Variants in GRM8 observed in about 807,000 individuals in gnomAD.
GRM8 encodes glutamate metabotropic receptor 8.
A neutral mutation model predicts 87.2 loss-of-function variants in GRM8; 47 were observed. The observed-to-expected ratio is 0.54, with a 90% CI of 0.43 to 0.69. GRM8 has a LOEUF of 0.69. Ranked by LOEUF, GRM8 falls within the 30% of genes least tolerant of loss-of-function variation. GRM8 has a pLI of 0.00. For synonymous variants in GRM8, 396 were observed against 404.5 expected (o/e 0.98, Z 0.25); for missense variants, 1,019 against 1,139.2 (o/e 0.89, Z 1.52).
At chr7:126,720,327 G>T (rs1812251748) in intron 7 of GRM8, among the ~76,000 whole-genome samples, 1 of 151,230 alleles carries the variant, frequency 6.6e-6, no homozygotes, top group Admixed American at 6.6e-5. Flanking sequence ...ATTTTTTTTT[G>T]TAGAGACAGG....
intron 9 of GRM8, among the ~76,000 whole-genome samples, chr7:126,449,171 A>AT (rs1563017769): frequency 1.3e-5 from 2 of 151,790 alleles, no homozygotes; most frequent in Non-Finnish European, 2.9e-5. Flanking sequence ...ACTTAAATAC[A>AT]TTTTTTTAAA....
chr7:127,131,311 A>G (rs1192653396), intron 2 of GRM8, among the ~76,000 whole-genome samples: 2 of 152,238 alleles, frequency 1.3e-5, no homozygotes, highest in African/African-American at 4.8e-5. Flanking sequence ...TGGAAGCAGC[A>G]TTGAAAACTT....
intron 9 of GRM8, among the ~76,000 whole-genome samples, chr7:126,523,905 T>C (rs1250819681): frequency 1.3e-5 from 2 of 152,224 alleles, no homozygotes; most frequent in Admixed American, 6.5e-5. Context: ...AATATTTACA[T>C]TACTTACATT....
chr7:127,239,546 CT>C (rs1460487415), intron 2 of GRM8, among the ~76,000 whole-genome samples: 1 of 152,192 alleles, frequency 6.6e-6, no homozygotes, highest in East Asian at 1.9e-4. Flanking sequence ...AAGTCATAAC[CT>C]TTGGAAAATT....
At chr7:126,496,874 C>T (rs139903263) in intron 9 of GRM8, among the ~76,000 whole-genome samples, 3 of 151,800 alleles carry the variant, frequency 2.0e-5, no homozygotes, top group South Asian at 2.1e-4. Flanking sequence ...ATCTCCCCCC[C>T]ACAGGTGAAA....
chr7:126,561,896 C>A (rs1038208279), intron 8 of GRM8, among the ~76,000 whole-genome samples: 6 of 148,472 alleles, frequency 4.0e-5, no homozygotes, highest in Admixed American at 6.8e-5. Context: ...TTTGTCCTTG[C>A]GATAGTTCGC....
chr7:126,997,588 A>G (rs1813314180), intron 3 of GRM8, among the ~76,000 whole-genome samples: 3 of 151,414 alleles, frequency 2.0e-5, no homozygotes, highest in South Asian at 4.1e-4. Context: ...AAAATCAGAG[A>G]GAAAAAAGAA....
intron 8 of GRM8, among the ~76,000 whole-genome samples, chr7:126,588,315 T>A (rs1184824279): frequency 6.6e-6 from 1 of 152,088 alleles, no homozygotes; most frequent in African/African-American, 2.4e-5. Context: ...AGTTGAAAAG[T>A]GTTTTGATTT....
intron 3 of GRM8, among the ~76,000 whole-genome samples, chr7:126,931,219 C>T (rs987755195): frequency 1.3e-5 from 2 of 152,132 alleles, no homozygotes; most frequent in Non-Finnish European, 2.9e-5. Context: ...ACAAGAGCTC[C>T]TACAATTGCT....
At chr7:126,714,905 A>C (rs1811552200) in intron 7 of GRM8, among the ~76,000 whole-genome samples, 1 of 152,226 alleles carries the variant, frequency 6.6e-6, no homozygotes, top group Admixed American at 6.5e-5. Flanking sequence ...ATCATAAGGA[A>C]GAGAAAATTC....
chr7:126,444,453 G>A (rs1423313012), intron 10 of GRM8, among the ~76,000 whole-genome samples: 1 of 152,086 alleles, frequency 6.6e-6, no homozygotes, highest in Non-Finnish European at 1.5e-5. Context: ...AGGTGAATAT[G>A]TGGAGGGTGT....
chr7:126,718,585 C>A (rs770142004), intron 7 of GRM8, among the ~76,000 whole-genome samples: 1 of 152,136 alleles, frequency 6.6e-6, no homozygotes, highest in Non-Finnish European at 1.5e-5. Flanking sequence ...GGCATCATAG[C>A]CAACTGAGAG....
chr7:126,675,621 A>G (rs1806878792), intron 7 of GRM8, among the ~76,000 whole-genome samples: 1 of 152,260 alleles, frequency 6.6e-6, no homozygotes, highest in Admixed American at 6.5e-5. Flanking sequence ...CACTGCATAC[A>G]TAGAAGTACT....
At chr7:126,856,712 A>T (rs1431953079) in intron 6 of GRM8, among the ~76,000 whole-genome samples, 1 of 152,242 alleles carries the variant, frequency 6.6e-6, no homozygotes, top group Non-Finnish European at 1.5e-5. Flanking sequence ...ATGCTAAGTC[A>T]TCACCTAAAC....
intron 3 of GRM8, among the ~76,000 whole-genome samples, chr7:126,914,438 G>A (rs895243573): frequency 6.6e-6 from 1 of 152,110 alleles, no homozygotes; most frequent in African/African-American, 2.4e-5. Flanking sequence ...CAAAGGAAAA[G>A]AAATTCTTCT....
intron 6 of GRM8, among the ~76,000 whole-genome samples, chr7:126,858,684 G>A (rs185433410): frequency 2.8e-4 from 43 of 151,974 alleles, no homozygotes; most frequent in East Asian, 2.5e-3. Flanking sequence ...CCCTACTCCC[G>A]CCCTGCAAGA....
chr7:126,883,480 T>C (rs913595833), intron 6 of GRM8, among the ~76,000 whole-genome samples: 1 of 152,206 alleles, frequency 6.6e-6, no homozygotes, highest in African/African-American at 2.4e-5. Flanking sequence ...TGTAAGTTAC[T>C]TACTCAAATT....
rs542820335 is a variant in GRM8, at chr7:126,977,921, A to T, written c.728-73238T>A. On this transcript the variant is annotated intron_variant, in intron 3 of 10. Transcript: ENST00000339582. ...AATAAAAATAAATTTTAAAGTACTTATAGAAATGAAGTATCCACAAATGAA... is the reference window on the plus strand; with the variant it reads ...AATAAAAATAAATTTTAAAGTACTTTTAGAAATGAAGTATCCACAAATGAA... 4.6e-5 allele frequency among the ~76,000 whole-genome samples: 7 copies of T among 152,354 alleles called. No homozygotes were observed. In the South Asian group the frequency reaches 1.4e-3, roughly 32 times the overall value.
intron 6 of GRM8, among the ~76,000 whole-genome samples, chr7:126,838,767 T>C (rs1352334146): frequency 2.0e-5 from 3 of 152,124 alleles, no homozygotes; most frequent in Non-Finnish European, 2.9e-5. Flanking sequence ...AACATCTAAG[T>C]CAGGCTGTGA....
Sources: allele counts gnomAD v4.1 joint callset (sites outside exome capture counted in the v4.1 genomes callset), GRCh38; gene constraint gnomAD v4.1.1; transcripts MANE v1.5; gene names NCBI Gene and HGNC (gene_info 2026-07-23, HGNC 2026-07-21).